ADCY8: variants seen among roughly 807,000 people sequenced by gnomAD.
ADCY8 encodes the protein adenylate cyclase type 8.
ADCY8 carries 51 observed loss-of-function variants against 119.7 expected under a neutral mutation model. The observed-to-expected ratio is 0.43, with a 90% CI of 0.34 to 0.54. The LOEUF is 0.54. Among genes scored for constraint, ADCY8 ranks in the 20% least tolerant of loss-of-function variants. The pLI, the probability that ADCY8 is intolerant of heterozygous loss-of-function variation, is 0.03. For missense variants in ADCY8, 1,383 were observed against 1,598.8 expected (o/e 0.87, Z 2.30); for synonymous variants, 665 against 651.0 (o/e 1.02, Z -0.33).
intron 3 of ADCY8, among the ~76,000 whole-genome samples, chr8:130,951,137 T>C (rs1821256736): frequency 6.7e-6 from 1 of 149,758 alleles, no homozygotes; most frequent in Non-Finnish European, 1.5e-5. Flanking sequence ...AATATTCACT[T>C]ATATGATCCA....
rs1483046866 is a variant in ADCY8 at position 130,846,880 on chromosome 8, CCCTTCCCTTT to C, written c.2502+534_2502+543del. ...CCCCTCCCCTCCCTTCCCTTCCCTT[CCCTTCCCTTT>C]CCTTCCTTCCTTCCTTCCTTCCTTC... is the stretch of plus-strand genomic sequence containing the variant. On this transcript the variant is annotated intron_variant, in intron 11 of 17. Coordinates refer to ENST00000286355, the MANE Select transcript of ADCY8 (RefSeq NM_001115.3). Among the ~76,000 whole-genome samples the C allele has an allele frequency of 2.9e-3, 69 of 23,812 alleles. 6 individuals are homozygous for C. Among genetic ancestry groups the C allele is most frequent in the African/African-American group, 0.016 (65 of 4,080 alleles). The allele number at this position is 23,812 out of a possible 152,430, so 15.6% of individuals were successfully genotyped here.
intron 2 of ADCY8, among the ~76,000 whole-genome samples, chr8:130,986,328 G>A (rs551517834): frequency 6.6e-6 from 1 of 152,260 alleles, no homozygotes; most frequent in South Asian, 2.1e-4. Flanking sequence ...GAAGCTAGGA[G>A]CCAAAGTTTG....
intron 12 of ADCY8, among the ~76,000 whole-genome samples, chr8:130,823,344 A>G (rs1816577313): frequency 6.6e-6 from 1 of 152,212 alleles, no homozygotes; most frequent in Admixed American, 6.5e-5. Flanking sequence ...GCTGAGGAGC[A>G]TCAGAACTGT....
chr8:130,861,575 G>A (rs1817930302), intron 9 of ADCY8, among the ~76,000 whole-genome samples: 2 of 152,120 alleles, frequency 1.3e-5, no homozygotes, highest in African/African-American at 4.8e-5. Flanking sequence ...AAATGTTTTG[G>A]TGGGTCCTTT....
At chr8:130,977,635 G>A (rs1393661259) in intron 2 of ADCY8, among the ~76,000 whole-genome samples, 3 of 152,210 alleles carry the variant, frequency 2.0e-5, no homozygotes. Flanking sequence ...TTCAAGATTT[G>A]CACATGAATT....
At chr8:130,866,415 T>C (rs1438356206) in intron 9 of ADCY8, among the ~76,000 whole-genome samples, 4 of 152,116 alleles carry the variant, frequency 2.6e-5, no homozygotes, top group Admixed American at 6.5e-5. Context: ...AATTCCAAAG[T>C]CTTTAACATA....
At chr8:131,001,926 G>A (rs983096565) in intron 1 of ADCY8, among the ~76,000 whole-genome samples, 2 of 152,190 alleles carry the variant, frequency 1.3e-5, no homozygotes, top group African/African-American at 4.8e-5. Flanking sequence ...TTAGGGATCA[G>A]ACAGAGTGGC....
intron 15 of ADCY8, among the ~76,000 whole-genome samples, chr8:130,787,780 T>G (rs1048563444): frequency 3.3e-5 from 5 of 151,050 alleles, no homozygotes; most frequent in African/African-American, 1.2e-4. Context: ...TATGTGTGCC[T>G]GTGTGTGGGT....
chr8:130,875,926 A>C (rs1296089865), intron 8 of ADCY8, among the ~76,000 whole-genome samples: 2 of 152,198 alleles, frequency 1.3e-5, no homozygotes, highest in Admixed American at 1.3e-4. Context: ...TTTTGAAAAT[A>C]CTCAGCACAG....
rs184430237 is a variant in ADCY8, at chr8:130,831,154, C to A, written c.2675+5123G>T. On this transcript the variant is annotated intron_variant, in intron 12 of 17. Coordinates refer to ENST00000286355, the MANE Select transcript of ADCY8 (RefSeq NM_001115.3). The stretch of plus-strand genomic sequence containing the variant: ...TATAAGGGCAATAATGAGAAAAAAT[C>A]TTAAGGGTTGTGAATGATAGTTGGC... Among the ~76,000 whole-genome samples the A allele has an allele frequency of 7.3e-3, 1,108 of 152,244 alleles. 13 individuals are homozygous for A. Among genetic ancestry groups the A allele is most frequent in the African/African-American group, 0.026 (1,068 of 41,532 alleles).
At chr8:130,957,168 G>A (rs1326245951) in intron 2 of ADCY8, among the ~76,000 whole-genome samples, 1 of 152,176 alleles carries the variant, frequency 6.6e-6, no homozygotes, top group East Asian at 1.9e-4. Context: ...GAATGGCTTT[G>A]ACCATAATGC....
intron 10 of ADCY8, among the ~76,000 whole-genome samples, chr8:130,847,851 C>A (rs565908716): frequency 1.8e-4 from 28 of 152,252 alleles, no homozygotes; most frequent in African/African-American, 6.3e-4. Flanking sequence ...GAGAAGAGGT[C>A]TTGGGTAAAC....
intron 6 of ADCY8, among the ~76,000 whole-genome samples, chr8:130,905,404 C>T (rs911700178): frequency 6.6e-6 from 1 of 152,162 alleles, no homozygotes; most frequent in Non-Finnish European, 1.5e-5. Flanking sequence ...CCAGATTCAA[C>T]GTACTATTTG....
In ADCY8 at chr8:130,849,709, G is replaced by A. The variant is rs762397071; in HGVS notation, c.2305C>T (p.Leu769Phe). The change falls in exon 10 of 18, where the codon CTC becomes TTC. Residue 769 changes from leucine to phenylalanine, a missense_variant. This residue lies in a region of ADCY8 where 928 missense variants were observed against 1,163.5 expected (regional missense o/e 0.80). Coordinates refer to ENST00000286355, the MANE Select transcript of ADCY8 (RefSeq NM_001115.3). ...TTAEDYKCLPLILRKTCCWIN... is the reference protein window; with the variant it reads ...TTAEDYKCLPFILRKTCCWIN... Reference sequence around the variant, plus strand: ...CAACAGCAAGTTTTCCGGAGGATGAGGGGCAAACATTTATAATCCTCTGCT... The same window carrying A: ...CAACAGCAAGTTTTCCGGAGGATGAAGGGCAAACATTTATAATCCTCTGCT... 6 of 1,613,888 alleles carry A rather than the reference G, an allele frequency of 3.7e-6. No individual in the cohort carries two copies. The highest frequency in any genetic ancestry group is 3.4e-6 in the Non-Finnish European group (4 of 1,179,948).
At chr8:130,960,744 G>A (rs1821576717) in intron 2 of ADCY8, among the ~76,000 whole-genome samples, 1 of 152,020 alleles carries the variant, frequency 6.6e-6, no homozygotes, top group Admixed American at 6.6e-5. Context: ...GGAAAGGGGA[G>A]ATTCTATCAG....
Position 130,903,991 on chromosome 8 carries a change from G to C in ADCY8, c.1692C>G (p.Asn564Lys), listed in dbSNP as rs75415615. The change falls in exon 7 of 18, where the codon AAC becomes AAG. Residue 564 changes from asparagine (N) to lysine (K), a missense_variant. Coordinates refer to ENST00000286355, the MANE Select transcript of ADCY8 (RefSeq NM_001115.3). ...TCTCTTTACCATGGCCCTCTTCCAC[G>C]TTATAGTCACCGTTGAGACAGTCCA... ...ATLDCLNGDY[N>K]VEEGHGKERN... 4 of 1,614,064 alleles carry C rather than the reference G, an allele frequency of 2.5e-6. No homozygotes were observed. In the South Asian group the frequency reaches 4.4e-5, roughly 18 times the overall value.
chr8:130,857,469 C>A (rs12540966), intron 9 of ADCY8, among the ~76,000 whole-genome samples: 1 of 151,916 alleles, frequency 6.6e-6, no homozygotes, highest in Non-Finnish European at 1.5e-5. Context: ...TTCCTTACAA[C>A]GTATTTATCG....
intron 6 of ADCY8, among the ~76,000 whole-genome samples, chr8:130,908,589 G>T (rs1047121276): frequency 3.9e-5 from 6 of 152,290 alleles, no homozygotes; most frequent in African/African-American, 1.4e-4. Flanking sequence ...CATTATAGCA[G>T]ATGAGAGAAC....
chr8:130,821,629 T>C (rs1307624925), intron 12 of ADCY8, among the ~76,000 whole-genome samples: 24 of 152,146 alleles, frequency 1.6e-4, no homozygotes, highest in Admixed American at 1.6e-3. Flanking sequence ...CCAGAACACA[T>C]ATGGTGAAAG....
Sources: gnomAD v4.1 joint callset for allele counts (sites outside exome capture counted in the v4.1 genomes callset) on GRCh38, gnomAD v4.1.1 for gene constraint, gnomAD v4.1.1 regional missense constraint, MANE v1.5 for transcripts, NCBI Gene and HGNC (gene_info 2026-07-23, HGNC 2026-07-21) for gene names.